DOCK9: variants seen among roughly 807,000 people sequenced by gnomAD.
The protein encoded by DOCK9 is dedicator of cytokinesis 9, also known as dedicator of cytokinesis protein 9.
In DOCK9, 89 loss-of-function variants were observed where a neutral mutation model predicts 263.3. The observed-to-expected ratio is 0.34, with a 90% CI of 0.28 to 0.40. DOCK9 has a LOEUF of 0.40. Among genes scored for constraint, DOCK9 ranks in the 10% least tolerant of loss-of-function variants. DOCK9 has a pLI of 1.00. For missense variants in DOCK9, 2,140 were observed against 2,603.4 expected, an observed-to-expected ratio of 0.82 and a Z score of 3.87; for synonymous variants, 976 against 973.1, an observed-to-expected ratio of 1.00 and a Z score of -0.06.
intron 6 of DOCK9, among the ~76,000 whole-genome samples, chr13:98,921,626 A>G (rs2052004639): frequency 6.6e-6 from 1 of 152,118 alleles, no homozygotes; most frequent in African/African-American, 2.4e-5. Context: ...CTCTGTCTGC[A>G]ACCTTCTCTT....
chr13:98,882,398 A>C (rs891911038), intron 23 of DOCK9, among the ~76,000 whole-genome samples: 1 of 152,158 alleles, frequency 6.6e-6, no homozygotes, highest in African/African-American at 2.4e-5. Context: ...ACATATAAAA[A>C]CTTCATTGTT....
chr13:98,822,601 G>T (rs1444061942), intron 45 of DOCK9, among the ~76,000 whole-genome samples: 2 of 152,132 alleles, frequency 1.3e-5, no homozygotes, highest in East Asian at 3.8e-4. Context: ...GAAGTGAGGA[G>T]TTCAAAGCCA....
intron 4 of DOCK9, among the ~76,000 whole-genome samples, chr13:98,924,775 A>G (rs2052645632): frequency 6.6e-6 from 1 of 152,162 alleles, no homozygotes; most frequent in African/African-American, 2.4e-5. Flanking sequence ...GACCTTTTCC[A>G]TCATGTTTTG....
At chr13:98,907,627 C>T (rs567046504) in intron 9 of DOCK9, among the ~76,000 whole-genome samples, 11 of 152,232 alleles carry the variant, frequency 7.2e-5, no homozygotes, top group African/African-American at 2.6e-4. Context: ...CAAAAATAAC[C>T]TAAAAGCTTG....
upstream of DOCK9, chr13:99,088,481 G>GCCT (rs1311072674): frequency 6.6e-6 from 1 of 152,140 alleles, no homozygotes; most frequent in Non-Finnish European, 1.5e-5. Flanking sequence ...ATGAGTTAGA[G>GCCT]CCTCCCTTTA....
chr13:98,996,873 T>A (rs1881169341), intron 1 of DOCK9, among the ~76,000 whole-genome samples: 1 of 152,230 alleles, frequency 6.6e-6, no homozygotes, highest in African/African-American at 2.4e-5. Context: ...GCTCTGCCAA[T>A]GGTAAAGCAA....
At chr13:99,072,991 T>A (rs1412004389) in intron 1 of DOCK9, among the ~76,000 whole-genome samples, 3 of 151,954 alleles carry the variant, frequency 2.0e-5, no homozygotes, top group Non-Finnish European at 2.9e-5. Flanking sequence ...AGACCCTGTC[T>A]CAAAAAAAGA....
chr13:98,982,324 A>G (rs1448433835), upstream of DOCK9, among the ~76,000 whole-genome samples: 2 of 152,224 alleles, frequency 1.3e-5, no homozygotes, highest in African/African-American at 4.8e-5. Flanking sequence ...GACTTCCATC[A>G]CACTCTGATT....
intron 49 of DOCK9, among the ~76,000 whole-genome samples, chr13:98,802,980 A>G (rs1306544170): frequency 6.6e-6 from 1 of 152,228 alleles, no homozygotes; most frequent in Non-Finnish European, 1.5e-5. Flanking sequence ...ATATAATGAG[A>G]TAAGTGTCCT....
At chr13:99,049,064 C>T (rs2040564914) in intron 1 of DOCK9, among the ~76,000 whole-genome samples, 1 of 152,154 alleles carries the variant, frequency 6.6e-6, no homozygotes, top group Non-Finnish European at 1.5e-5. Context: ...TATGTTTTGG[C>T]ATTGTACAGA....
intron 27 of DOCK9, among the ~76,000 whole-genome samples, chr13:98,875,798 C>T (rs2043733587): frequency 1.3e-5 from 2 of 152,204 alleles, no homozygotes; most frequent in African/African-American, 4.8e-5. Flanking sequence ...CCATACTTTG[C>T]AGGTCCATCC....
In DOCK9 at chr13:98,873,170, C is replaced by T. The variant is rs547609448; in HGVS notation, c.2944-4793G>A. 4.1e-4 allele frequency among the ~76,000 whole-genome samples: 63 copies of T among 152,312 alleles called. 1 individual carries two copies. The highest frequency in any genetic ancestry group is 2.0e-3 in the Admixed American group (30 of 15,302). On this transcript the variant is annotated intron_variant, in intron 27 of 52. Coordinates refer to ENST00000682017, the MANE Select transcript of DOCK9 (RefSeq NM_001366683.2). ...CTCCCACTGTCTCCTGAGCGCCTTC[C>T]CATTTTCCCTTGTAGTCATTGCCCC...
intron 1 of DOCK9, among the ~76,000 whole-genome samples, chr13:99,046,453 T>C (rs780652307): frequency 6.6e-6 from 1 of 152,210 alleles, no homozygotes; most frequent in Non-Finnish European, 1.5e-5. Flanking sequence ...GGAGGAAGGA[T>C]TTTGCGCCCA....
chr13:98,815,865 A>G (rs1452855109), intron 45 of DOCK9, among the ~76,000 whole-genome samples: 1 of 152,170 alleles, frequency 6.6e-6, no homozygotes, highest in East Asian at 1.9e-4. Context: ...CTACAATGAC[A>G]CCCTGTCCTT....
intron 1 of DOCK9, among the ~76,000 whole-genome samples, chr13:98,984,043 A>C (rs562847794): frequency 1.3e-5 from 2 of 152,322 alleles, no homozygotes; most frequent in South Asian, 2.1e-4. Context: ...GTGGTCCACA[A>C]ACCCTCTAAA....
At chr13:99,050,783 G>A (rs944043472) in intron 1 of DOCK9, among the ~76,000 whole-genome samples, 3 of 152,158 alleles carry the variant, frequency 2.0e-5, no homozygotes, top group Non-Finnish European at 2.9e-5. Flanking sequence ...CTATCCCCTA[G>A]AGCAGCTGTA....
intron 2 of DOCK9, among the ~76,000 whole-genome samples, chr13:98,933,481 CATG>C (rs2054289293): frequency 6.6e-6 from 1 of 151,974 alleles, no homozygotes; most frequent in Non-Finnish European, 1.5e-5. Context: ...GATAAGATAG[CATG>C]ATGTTTCTCA....
intron 1 of DOCK9, among the ~76,000 whole-genome samples, chr13:99,051,284 C>G (rs1340886502): frequency 2.0e-5 from 3 of 152,098 alleles, no homozygotes; most frequent in African/African-American, 7.2e-5. Flanking sequence ...CGCCAAAGCT[C>G]AGTTCTTGCT....
Position 98,853,408 on chromosome 13 carries a change from C to A in DOCK9, c.3946G>T (p.Asp1316Tyr). ...FLYILKSMSD[D>Y]ALFTYWNKAS... The stretch of plus-strand genomic sequence containing the variant: ...CAGAAATCTCCATTTTTTAACCTAC[C>A]ATCAGACATGCTCTTTAAGATGTAG... Residue 1316 changes from aspartate (D) to tyrosine (Y), a missense_variant and splice_region_variant, in exon 35 of 53, where the codon GAT becomes TAT. Transcript: ENST00000682017. 1 of 1,591,376 alleles carries A rather than the reference C, an allele frequency of 6.3e-7. No homozygotes were observed. Among genetic ancestry groups the A allele is most frequent in the Non-Finnish European group, 8.6e-7 (1 of 1,166,812 alleles).
Sources: allele counts gnomAD v4.1 joint callset (sites outside exome capture counted in the v4.1 genomes callset), GRCh38; gene constraint gnomAD v4.1.1; transcripts MANE v1.5; gene names NCBI Gene and HGNC (gene_info 2026-07-23, HGNC 2026-07-21).